The following NRXN3 variants were observed in gnomAD, a reference collection of about 807,000 sequenced individuals.
NRXN3 encodes the protein neurexin III.
A neutral mutation model predicts 137.6 loss-of-function variants in NRXN3; 32 were observed. The ratio of observed to expected loss-of-function variants is 0.23; its 90% CI spans 0.18 to 0.31. The LOEUF (loss-of-function observed/expected upper bound fraction) is 0.31, where lower values mean the gene tolerates loss of function less well. Ranked by LOEUF, NRXN3 falls within the 10% of genes least tolerant of loss-of-function variation. The pLI, the probability that NRXN3 is intolerant of heterozygous loss-of-function variation, is 1.00. For synonymous variants in NRXN3, 798 were observed against 784.5 expected (o/e 1.02, Z -0.29); for missense variants, 1,574 against 2,062.5 (o/e 0.76, Z 4.59).
intron 1 of NRXN3, among the ~76,000 whole-genome samples, chr14:78,198,681 G>A (rs1422153518): frequency 6.6e-6 from 1 of 152,194 alleles, no homozygotes; most frequent in Admixed American, 6.5e-5. Context: ...TGTAGCTGGA[G>A]GGGACCTTTG....
intron 16 of NRXN3, among the ~76,000 whole-genome samples, chr14:79,663,487 T>G (rs1161573438): frequency 6.6e-6 from 1 of 152,138 alleles, no homozygotes; most frequent in Non-Finnish European, 1.5e-5. Context: ...CTTTGCATTG[T>G]CATTGCATAG....
chr14:79,570,008 T>A (rs2097584840), intron 16 of NRXN3, among the ~76,000 whole-genome samples: 1 of 152,202 alleles, frequency 6.6e-6, no homozygotes, highest in South Asian at 2.1e-4. Flanking sequence ...GCTGGCTTGC[T>A]GTGGGTATAA....
intron 4 of NRXN3, among the ~76,000 whole-genome samples, chr14:78,582,996 G>T (rs1029162570): frequency 1.3e-5 from 2 of 152,068 alleles, no homozygotes; most frequent in African/African-American, 4.8e-5. Flanking sequence ...AATGGAATTG[G>T]CTGGAATGCT....
chr14:79,010,324 C>T (rs565515709), intron 15 of NRXN3, among the ~76,000 whole-genome samples: 1 of 152,190 alleles, frequency 6.6e-6, no homozygotes, highest in South Asian at 2.1e-4. Flanking sequence ...GGTTTTGTGC[C>T]ATAAACCAAC....
At chr14:78,324,902 C>CCATCAT (rs1228489708) in intron 4 of NRXN3, among the ~76,000 whole-genome samples, 1 of 151,704 alleles carries the variant, frequency 6.6e-6, no homozygotes, top group East Asian at 1.9e-4. Context: ...CCCAATTTGG[C>CCATCAT]CATCATCACT....
intron 4 of NRXN3, among the ~76,000 whole-genome samples, chr14:78,544,733 A>G (rs1270433533): frequency 1.3e-5 from 2 of 152,236 alleles, no homozygotes; most frequent in East Asian, 3.9e-4. Context: ...AAAGAAAAAT[A>G]GTTCAGAGAA....
Position 79,326,172 on chromosome 14 carries a change from GT to G in NRXN3, c.3263-141048del, listed in dbSNP as rs1264109577. On this transcript the variant is annotated intron_variant, in intron 15 of 20. Transcript: ENST00000335750. Reference sequence around the variant, plus strand: ...GTTTTACATAATTTAAGACTTGGAAGTGATGATAATGTATTTCAGATGGGCA... The same window carrying G: ...GTTTTACATAATTTAAGACTTGGAAGGATGATAATGTATTTCAGATGGGCA... 5.3e-5 allele frequency among the ~76,000 whole-genome samples: 8 copies of G among 152,276 alleles called. No individual in the cohort carries two copies. In the South Asian group the frequency reaches 1.2e-3, roughly 24 times the overall value.
intron 10 of NRXN3, among the ~76,000 whole-genome samples, chr14:78,942,748 G>A (rs1259601755): frequency 6.6e-6 from 1 of 152,100 alleles, no homozygotes; most frequent in Admixed American, 6.6e-5. Context: ...CAAACAGCTA[G>A]AAGGAGCATA....
chr14:79,275,468 G>A (rs1051939126), intron 15 of NRXN3, among the ~76,000 whole-genome samples: 2 of 152,138 alleles, frequency 1.3e-5, no homozygotes, highest in Non-Finnish European at 2.9e-5. Flanking sequence ...CAGCAAAGTG[G>A]CAAGTCAGAG....
chr14:79,676,199 T>C (rs1202888199), intron 17 of NRXN3, among the ~76,000 whole-genome samples: 1 of 152,046 alleles, frequency 6.6e-6, no homozygotes, highest in Non-Finnish European at 1.5e-5. Context: ...TAGAGGTGGC[T>C]CAGCCCACTT....
chr14:78,799,481 C>A (rs2098832156), intron 8 of NRXN3, among the ~76,000 whole-genome samples: 1 of 152,198 alleles, frequency 6.6e-6, no homozygotes, highest in Non-Finnish European at 1.5e-5. Context: ...AAGTTCCAAA[C>A]TTTCCCATGT....
At chr14:78,795,578 A>AAATC (rs1255704954) in intron 8 of NRXN3, among the ~76,000 whole-genome samples, 3 of 12,412 alleles carry the variant, frequency 2.4e-4, no homozygotes, top group Non-Finnish European at 3.4e-3. Context: ...TGATTAAATA[A>AAATC]AATTAATTAT....
chr14:78,523,329 A>G (rs1220022937), intron 4 of NRXN3, among the ~76,000 whole-genome samples: 1 of 152,312 alleles, frequency 6.6e-6, no homozygotes, highest in South Asian at 2.1e-4. Context: ...ATAATGCCAA[A>G]GGAGAAATTA....
intron 15 of NRXN3, among the ~76,000 whole-genome samples, chr14:79,330,479 C>G (rs1462135226): frequency 1.3e-5 from 2 of 152,106 alleles, no homozygotes; most frequent in Admixed American, 6.6e-5. Flanking sequence ...TAACCATGAA[C>G]AGAAATGGCT....
At chr14:78,553,238 G>C (rs1222442522) in intron 4 of NRXN3, among the ~76,000 whole-genome samples, 1 of 152,088 alleles carries the variant, frequency 6.6e-6, no homozygotes, top group African/African-American at 2.4e-5. Flanking sequence ...GTACTGAGGG[G>C]TCCTATATTC....
intron 15 of NRXN3, among the ~76,000 whole-genome samples, chr14:79,283,255 A>T (rs2081589622): frequency 6.6e-6 from 1 of 152,180 alleles, no homozygotes; most frequent in South Asian, 2.1e-4. Flanking sequence ...TGATTTTGGT[A>T]TGAAAGAAAA....
chr14:78,374,465 T>C (rs12884355), intron 4 of NRXN3, among the ~76,000 whole-genome samples: 1 of 152,132 alleles, frequency 6.6e-6, no homozygotes, highest in Non-Finnish European at 1.5e-5. Context: ...ATAATTATTG[T>C]GAATACTTTA....
intron 10 of NRXN3, among the ~76,000 whole-genome samples, chr14:78,915,956 T>C (rs1174058026): frequency 6.6e-6 from 1 of 152,126 alleles, no homozygotes; most frequent in Admixed American, 6.5e-5. Context: ...ACGACTGGTG[T>C]CTTTGTAAGA....
intron 15 of NRXN3, among the ~76,000 whole-genome samples, chr14:79,084,400 CAAT>C (rs555309886): frequency 3.2e-4 from 48 of 152,064 alleles, no homozygotes; most frequent in Non-Finnish European, 5.4e-4. Context: ...AACTCTAAGC[CAAT>C]AATATGTTGG....
Sources: gnomAD v4.1 joint callset for allele counts (sites outside exome capture counted in the v4.1 genomes callset) on GRCh38, gnomAD v4.1.1 for gene constraint, MANE v1.5 for transcripts, NCBI Gene and HGNC (gene_info 2026-07-23, HGNC 2026-07-21) for gene names.